Variants in DOCK2 observed in about 807,000 individuals in gnomAD.
DOCK2 encodes dedicator of cytokinesis protein 2.
DOCK2 carries 87 observed loss-of-function variants against 248.9 expected under a neutral mutation model. The observed-to-expected ratio is 0.35, with a 90% CI of 0.29 to 0.42. The LOEUF is 0.42. Among genes scored for constraint, DOCK2 ranks in the 10% least tolerant of loss-of-function variants. DOCK2 has a pLI of 1.00. For missense variants in DOCK2, 1,747 were observed against 2,300.2 expected, an observed-to-expected ratio of 0.76 and a Z score of 4.92; for synonymous variants, 805 against 821.6, an observed-to-expected ratio of 0.98 and a Z score of 0.35.
At chr5:169,910,316 C>T (rs1561816103) in intron 27 of DOCK2, among the ~76,000 whole-genome samples, 1 of 152,172 alleles carries the variant, frequency 6.6e-6, no homozygotes, top group Non-Finnish European at 1.5e-5. Context: ...AGGAAGATCT[C>T]TTTTGAGCCC....
intron 32 of DOCK2, among the ~76,000 whole-genome samples, chr5:170,009,353 C>T (rs540947676): frequency 2.6e-5 from 4 of 152,164 alleles, no homozygotes; most frequent in Admixed American, 1.3e-4. Flanking sequence ...TCCTGTAAGA[C>T]GGAATTGTTC....
intron 22 of DOCK2, among the ~76,000 whole-genome samples, chr5:169,737,789 C>T (rs959612552): frequency 1.3e-5 from 2 of 152,202 alleles, no homozygotes; most frequent in Admixed American, 6.5e-5. Context: ...ATGGAAGCTC[C>T]GCATACCTTC....
chr5:169,906,597 G>T (rs1216417506), intron 27 of DOCK2, among the ~76,000 whole-genome samples: 2 of 152,198 alleles, frequency 1.3e-5, no homozygotes, highest in African/African-American at 2.4e-5. Flanking sequence ...CTCCCAAAGT[G>T]CTGGGGTTAC....
chr5:170,072,313 A>G (rs977877539), intron 46 of DOCK2, among the ~76,000 whole-genome samples: 1 of 152,180 alleles, frequency 6.6e-6, no homozygotes, highest in Non-Finnish European at 1.5e-5. Context: ...GCTCAATATA[A>G]TGCCTTTGAG....
At chr5:169,703,074 T>C (rs1400602951) in intron 14 of DOCK2, among the ~76,000 whole-genome samples, 1 of 152,226 alleles carries the variant, frequency 6.6e-6, no homozygotes, top group African/African-American at 2.4e-5. Context: ...AGGTTGTCAG[T>C]GCTGTGTCCA....
chr5:169,747,546 T>C (rs369466019), intron 23 of DOCK2, 42 bp downstream of exon 23: 410 of 1,496,114 alleles, frequency 2.7e-4, no homozygotes, highest in Non-Finnish European at 3.6e-4. Context: ...TCCTTGGCCA[T>C]CCAGTAAATA....
intron 27 of DOCK2, among the ~76,000 whole-genome samples, chr5:169,974,765 G>A (rs6893165): frequency 0.48 from 73,685 of 152,038 alleles, 19,736 homozygotes; most frequent in East Asian, 0.75. Flanking sequence ...GAAGCCCATC[G>A]TTGTTGTATA....
chr5:169,722,641 T>C (rs1246590951), intron 22 of DOCK2, among the ~76,000 whole-genome samples: 1 of 152,220 alleles, frequency 6.6e-6, no homozygotes, highest in Non-Finnish European at 1.5e-5. Flanking sequence ...TCATTGTGTT[T>C]CAATGATGAA....
chr5:169,713,260 C>T (rs1761686887), intron 17 of DOCK2, among the ~76,000 whole-genome samples: 1 of 152,162 alleles, frequency 6.6e-6, no homozygotes, highest in African/African-American at 2.4e-5. Context: ...TTTTACTTAC[C>T]CCCATTAGGT....
chr5:169,867,459 A>G (rs201364194), intron 27 of DOCK2, among the ~76,000 whole-genome samples: 4 of 131,790 alleles, frequency 3.0e-5, no homozygotes, highest in Admixed American at 1.5e-4. Context: ...CTGTCTGTCT[A>G]TCTATTGATC....
chr5:169,685,128 A>T (rs566245658), intron 8 of DOCK2, among the ~76,000 whole-genome samples: 1 of 152,356 alleles, frequency 6.6e-6, no homozygotes, highest in Non-Finnish European at 1.5e-5. Context: ...CCATCTGCAT[A>T]ATGCGAGTGC....
At chr5:169,894,227 G>A (rs1326179896) in intron 27 of DOCK2, among the ~76,000 whole-genome samples, 1 of 152,176 alleles carries the variant, frequency 6.6e-6, no homozygotes, top group African/African-American at 2.4e-5. Context: ...AGAGGTGCGA[G>A]ATTTGCCCAA....
intron 27 of DOCK2, among the ~76,000 whole-genome samples, chr5:169,854,913 G>C (rs893248910): frequency 6.6e-6 from 1 of 152,206 alleles, no homozygotes; most frequent in Non-Finnish European, 1.5e-5. Context: ...TGGGTACTTG[G>C]AGGATGGAGT....
At chr5:170,027,124 G>T (rs978033074) in intron 33 of DOCK2, among the ~76,000 whole-genome samples, 1 of 151,930 alleles carries the variant, frequency 6.6e-6, no homozygotes, top group South Asian at 2.1e-4. Context: ...GCAGCCTGAG[G>T]CTCACAACCT....
intron 46 of DOCK2, among the ~76,000 whole-genome samples, chr5:170,070,429 C>T (rs566061868): frequency 6.6e-6 from 1 of 152,346 alleles, no homozygotes; most frequent in East Asian, 1.9e-4. Flanking sequence ...AAATGAAACA[C>T]CAAGCACTGC....
intron 26 of DOCK2, among the ~76,000 whole-genome samples, chr5:169,817,873 C>T (rs1044689054): frequency 6.6e-6 from 1 of 152,330 alleles, no homozygotes; most frequent in South Asian, 2.1e-4. Flanking sequence ...GACTGATCCT[C>T]CCATCTTCAA....
intron 47 of DOCK2, 43 bp downstream of exon 47, chr5:170,076,127 G>T: frequency 6.3e-7 from 1 of 1,599,870 alleles, no homozygotes; most frequent in Non-Finnish European, 8.5e-7. Context: ...GATTGTGCAG[G>T]GTGGGGCAGG....
At chr5:169,682,652 T>A (rs890997003) in intron 7 of DOCK2, among the ~76,000 whole-genome samples, 1 of 143,356 alleles carries the variant, frequency 7.0e-6, no homozygotes, top group Non-Finnish European at 1.5e-5. Context: ...GCAATTTTGT[T>A]TTTAGATTTA....
chr5:169,919,635 G>A (rs1775064354), intron 27 of DOCK2, among the ~76,000 whole-genome samples: 1 of 152,176 alleles, frequency 6.6e-6, no homozygotes, highest in African/African-American at 2.4e-5. Context: ...GCGTATTTTT[G>A]TGACAGTTAT....
Sources: gnomAD v4.1 joint callset for allele counts (sites outside exome capture counted in the v4.1 genomes callset) on GRCh38, gnomAD v4.1.1 for gene constraint, MANE v1.5 for transcripts, NCBI Gene and HGNC (gene_info 2026-07-23, HGNC 2026-07-21) for gene names.